The following TRANK1 variants were observed in gnomAD, a reference collection of about 807,000 sequenced individuals.
TRANK1 encodes TPR and ankyrin repeat-containing protein 1.
Under a neutral mutation model 266.0 loss-of-function variants are expected in TRANK1, and 198 were observed. The ratio of observed to expected loss-of-function variants is 0.74; its 90% confidence interval spans 0.66 to 0.84. The LOEUF (loss-of-function observed/expected upper bound fraction) is 0.84, where lower values mean the gene tolerates loss of function less well. Ranked by LOEUF, TRANK1 falls within the 40% of genes least tolerant of loss-of-function variation. The probability of loss-of-function intolerance (pLI) is 0.00; values close to 1 mark genes in which losing one functional copy is unlikely to be tolerated. For synonymous variants in TRANK1, 1,396 were observed against 1,384.1 expected, an observed-to-expected ratio of 1.01 and a Z score of -0.19; for missense variants, 3,326 against 3,634.6, an observed-to-expected ratio of 0.92 and a Z score of 2.18.
rs1382721754 is a variant in TRANK1 at position 36,945,002 on chromosome 3, G to A, written c.-193C>T. On this transcript the variant is annotated 5_prime_UTR_variant, in exon 1 of 24. Transcript: ENST00000645898. ...CTACCCAGCCGCGATCAGAGGGGGC[G>A]GGGGACGCAGGAACCCCGGCGTCCG... The A allele has an allele frequency of 1.6e-5, 8 of 490,758 alleles. No individual in the cohort carries two copies. Among genetic ancestry groups the A allele is most frequent in the Non-Finnish European group, 2.4e-5 (7 of 286,950 alleles). The allele number at this position is 490,758 out of a possible 1,614,324, so 30.4% of individuals were successfully genotyped here. A position where few individuals can be genotyped will look rare whatever the true frequency, so the allele number is the denominator to read the frequency against.
At chr3:36,935,793 T>C (rs1295450386) in intron 1 of TRANK1, among the ~76,000 whole-genome samples, 1 of 152,228 alleles carries the variant, frequency 6.6e-6, no homozygotes, top group Non-Finnish European at 1.5e-5. Flanking sequence ...TAAGTCTTAC[T>C]ATTTCTGCAA....
intron 20 of TRANK1, among the ~76,000 whole-genome samples, chr3:36,836,309 GAGCCA>G (rs1198141865): frequency 4.9e-5 from 3 of 61,444 alleles, no homozygotes; most frequent in Non-Finnish European, 1.1e-4. Flanking sequence ...CTATGTGTGG[GAGCCA>G]GGAGCCAGTG....
chr3:36,832,975 T>C lies in TRANK1; in HGVS notation c.6608A>G (p.Asp2203Gly). The part of the protein sequence containing the change: ...MRFIVGLKCE[D>G]ENCEHFHRPL... ...CCTGTGAAAATGTTCACAGTTTTCA[T>C]CCTCACATTTTAAGCCTACAATAAA... The change falls in exon 22 of 24, where the codon GAT becomes GGT. Residue 2203 changes from aspartate to glycine, a missense_variant. Physicochemically the swap from Asp to Gly is moderately conservative, Grantham distance 94. Transcript: ENST00000645898. The C allele has an allele frequency of 6.2e-7, 1 of 1,611,366 alleles. No individual in the cohort carries two copies. Among genetic ancestry groups the C allele is most frequent in the South Asian group, 1.1e-5 (1 of 90,702 alleles).
At chr3:36,874,403 G>A in intron 8 of TRANK1, 107 bp from the exon 9 acceptor site, 1 of 1,230,854 alleles carries the variant, frequency 8.1e-7, no homozygotes, top group South Asian at 1.6e-5. Flanking sequence ...CAGGGCAAGA[G>A]GACTAGGGTC....
At chr3:36,840,112 C>G (rs1044787283) in intron 18 of TRANK1, among the ~76,000 whole-genome samples, 12 of 152,084 alleles carry the variant, frequency 7.9e-5, no homozygotes, top group Middle Eastern at 6.8e-3. Flanking sequence ...ATATGGGTAA[C>G]AGCAACAGTG....
Position 36,852,166 on chromosome 3 carries a change from T to C in TRANK1, c.4729A>G (p.Ile1577Val), listed in dbSNP as rs751104478. Residue 1577 changes from isoleucine (I) to valine (V), a missense_variant, in exon 14 of 24, where the codon ATT becomes GTT. By Grantham distance (29) the Ile-to-Val change is conservative (BLOSUM62 3). Coordinates refer to ENST00000645898, the MANE Select transcript of TRANK1 (RefSeq NM_001329998.2). ...CTCACCTGGTGGGCTCCAAATTCAA[T>C]GGGCTGAGTTTTCCTTTTATTCCCT... Reference protein sequence around the residue: ...LRGNKRKTQPIEFGAHQVILV... With the variant: ...LRGNKRKTQPVEFGAHQVILV... The C allele has an allele frequency of 3.1e-6, 5 of 1,589,916 alleles. No homozygotes were observed. Among genetic ancestry groups the C allele is most frequent in the Non-Finnish European group, 2.6e-6 (3 of 1,173,932 alleles).
chr3:36,889,909 C>G lies in TRANK1; in HGVS notation c.827G>C (p.Gly276Ala), dbSNP rs1177807380. Residue 276 changes from glycine (G) to alanine (A), a missense_variant, in exon 8 of 24, where the codon GGC becomes GCC. Coordinates refer to ENST00000645898, the MANE Select transcript of TRANK1 (RefSeq NM_001329998.2). ...WLMDHKPEWK[G>A]RINQKDGDGC... ...ATCCCCATCCTTCTGGTTAATGCGG[C>G]CTTTCCACTCGGGCTTGTGATCCAT... is the stretch of plus-strand genomic sequence containing the variant. The G allele has an allele frequency of 2.0e-6, 3 of 1,537,228 alleles. No individual in the cohort carries two copies. The African/African-American group carries it at 4.1e-5, about 21-fold the overall frequency.
chr3:36,855,396 A>G lies in TRANK1; in HGVS notation c.4326T>C (p.Phe1442=). ...HELYGDEIQD[F]TQAELALLMK... The stretch of plus-strand genomic sequence containing the variant: ...TCAGCAGCGCCAGCTCGGCCTGGGT[A>G]AAGTCTTGAATCTCATCACCATAGA... The change falls in exon 13 of 24, where the codon TTT becomes TTC. Residue 1442 remains phenylalanine, a synonymous_variant. Coordinates refer to ENST00000645898, the MANE Select transcript of TRANK1 (RefSeq NM_001329998.2). The G allele has an allele frequency of 6.2e-7, 1 of 1,614,042 alleles. No homozygotes were observed. Among genetic ancestry groups the G allele is most frequent in the Non-Finnish European group, 8.5e-7 (1 of 1,179,888 alleles).
intron 1 of TRANK1, among the ~76,000 whole-genome samples, chr3:36,909,267 G>A (rs1478906723): frequency 1.3e-5 from 2 of 152,202 alleles, no homozygotes; most frequent in Non-Finnish European, 2.9e-5. Context: ...TATCTGTGGT[G>A]TAACAATTGA....
chr3:36,862,564 G>C (rs140823031), intron 10 of TRANK1, among the ~76,000 whole-genome samples: 35 of 152,290 alleles, frequency 2.3e-4, no homozygotes, highest in African/African-American at 7.9e-4. Flanking sequence ...TTGACATATG[G>C]ATGAGATATG....
At chr3:36,916,894 C>T (rs2080134212) in intron 1 of TRANK1, among the ~76,000 whole-genome samples, 1 of 151,856 alleles carries the variant, frequency 6.6e-6, no homozygotes, top group African/African-American at 2.4e-5. Context: ...TGGCTCACTG[C>T]AGCTTCCACC....
At chr3:36,902,221 G>C (rs1284612950) in intron 3 of TRANK1, among the ~76,000 whole-genome samples, 1 of 152,206 alleles carries the variant, frequency 6.6e-6, no homozygotes, top group Admixed American at 6.5e-5. Flanking sequence ...GGACGAGCTT[G>C]TTCTAAAATA....
chr3:36,890,234 A>G (rs2125603101), intron 7 of TRANK1, among the ~76,000 whole-genome samples: 1 of 152,324 alleles, frequency 6.6e-6, no homozygotes, highest in Admixed American at 6.5e-5. Flanking sequence ...AGCCTGAGAC[A>G]GGGATTCTTA....
chr3:36,864,069 T>G (rs898607694), intron 10 of TRANK1, among the ~76,000 whole-genome samples: 16 of 152,196 alleles, frequency 1.1e-4, no homozygotes, highest in African/African-American at 3.9e-4. Flanking sequence ...TGACTGTATA[T>G]GCAAAGAGTA....
chr3:36,879,781 A>AAAT lies in TRANK1; in HGVS notation c.908-5486_908-5485insATT, dbSNP rs1559448690. On this transcript the variant is annotated intron_variant, in intron 8 of 23. Transcript: ENST00000645898. ...ATATAAATATATATAAATATATATA[A>AAAT]ATATGTAAATATATAAATATACAAA... Among the ~76,000 whole-genome samples the AAAT allele has an allele frequency of 3.4e-4, 23 of 67,666 alleles. No individual in the cohort carries two copies. The South Asian group carries it at 4.9e-3, about 15-fold the overall frequency. 44.4% of individuals were successfully genotyped at this position (67,666 alleles called of 152,430 possible). A position where few individuals can be genotyped will look rare whatever the true frequency, so the allele number is the denominator to read the frequency against.
chr3:36,941,524 C>T (rs564754722), intron 1 of TRANK1, among the ~76,000 whole-genome samples: 1 of 152,268 alleles, frequency 6.6e-6, no homozygotes, highest in Admixed American at 6.5e-5. Context: ...ACAAACAAGG[C>T]AATACTTATG....
At chr3:36,860,069 G>A (rs1407018008) in intron 11 of TRANK1, among the ~76,000 whole-genome samples, 1 of 152,030 alleles carries the variant, frequency 6.6e-6, no homozygotes, top group South Asian at 2.1e-4. Flanking sequence ...TACATATTAT[G>A]TGTTATTGAT....
chr3:36,940,092 G>A (rs1218535836), intron 1 of TRANK1, among the ~76,000 whole-genome samples: 3 of 151,460 alleles, frequency 2.0e-5, no homozygotes, highest in African/African-American at 4.8e-5. Context: ...GGGTTTCACC[G>A]TGTTGGCCAG....
chr3:36,920,726 C>T (rs904371485), intron 1 of TRANK1, among the ~76,000 whole-genome samples: 6 of 152,098 alleles, frequency 3.9e-5, no homozygotes, highest in Non-Finnish European at 5.9e-5. Context: ...CCAACAGTGA[C>T]AGAAAAGGAC....
Sources: allele counts gnomAD v4.1 joint callset (sites outside exome capture counted in the v4.1 genomes callset), GRCh38; gene constraint gnomAD v4.1.1; transcripts MANE v1.5; gene names NCBI Gene and HGNC (gene_info 2026-07-23, HGNC 2026-07-21).